Variants in RYR1 observed in about 807,000 individuals in gnomAD.
The protein encoded by RYR1 is ryanodine receptor 1.
In RYR1, 342 loss-of-function variants were observed where a neutral mutation model predicts 583.5. The ratio of observed to expected loss-of-function variants is 0.59; its 90% CI spans 0.54 to 0.64. RYR1 has a LOEUF of 0.64. Among genes scored for constraint, RYR1 ranks in the 30% least tolerant of loss-of-function variants. The probability of loss-of-function intolerance (pLI) is 0.00; values close to 1 mark genes in which losing one functional copy is unlikely to be tolerated. For synonymous variants in RYR1, 2,791 were observed against 2,822.5 expected, an observed-to-expected ratio of 0.99 and a Z score of 0.35; for missense variants, 6,032 against 6,917.2, an observed-to-expected ratio of 0.87 and a Z score of 4.54.
intron 72 of RYR1, 54 bp from the exon 73 acceptor site, chr19:38,527,593 C>T: frequency 6.2e-7 from 1 of 1,608,738 alleles, no homozygotes; most frequent in Non-Finnish European, 8.5e-7. Context: ...GGACATCCGG[C>T]GGACACTGTG....
At chr19:38,541,597 T>C (rs188627630) in intron 84 of RYR1, among the ~76,000 whole-genome samples, 555 of 152,174 alleles carry the variant, frequency 3.6e-3, no homozygotes, top group African/African-American at 0.012. Flanking sequence ...ATGCCTGTAA[T>C]CCCAGCTACT....
chr19:38,510,453 C>G, intron 58 of RYR1, 45 bp from the exon 59 acceptor site: 9 of 1,608,212 alleles, frequency 5.6e-6, no homozygotes, highest in Non-Finnish European at 7.7e-6. Flanking sequence ...ACCCTGGGTT[C>G]CCCAGCCTTG....
chr19:38,522,943 A>G lies in RYR1; in HGVS notation c.10260-85A>G. ...TCTGACTGGATGTCTCCTGGTCCCC[A>G]TCTCCTCCTCCAAGATCTCTCTCTG... On this transcript the variant is annotated intron_variant, in intron 67 of 105. Coordinates refer to ENST00000359596, the MANE Select transcript of RYR1 (RefSeq NM_000540.3). 5 of 1,082,806 alleles carry G rather than the reference A, an allele frequency of 4.6e-6. No homozygotes were observed. The South Asian group carries it at 5.4e-5, about 12-fold the overall frequency. 67.1% of individuals were successfully genotyped at this position (1,082,806 alleles called of 1,614,324 possible).
Position 38,506,517 on chromosome 19 carries a change from G to C in RYR1, c.8663G>C (p.Arg2888Pro). The C allele has an allele frequency of 6.2e-7, 1 of 1,614,070 alleles. No homozygotes were observed. The highest frequency in any genetic ancestry group is 1.6e-4 in the Middle Eastern group (1 of 6,062). Residue 2888 changes from arginine (R) to proline (P), a missense_variant, in exon 56 of 106, where the codon CGG becomes CCG. By Grantham distance (103) the Arg-to-Pro change is moderately radical. Coordinates refer to ENST00000359596, the MANE Select transcript of RYR1 (RefSeq NM_000540.3). The stretch of plus-strand genomic sequence containing the variant: ...GAAAATTACCACAACACGTGGGGAC[G>C]GAAGAAGAAGCAGGAGCTGGAAGCC... ...LAENYHNTWG[R>P]KKKQELEAKG...
intron 42 of RYR1, 76 bp downstream of exon 42, chr19:38,497,030 G>A (rs1044799096): frequency 4.9e-6 from 6 of 1,234,620 alleles, no homozygotes; most frequent in Admixed American, 3.6e-5. Context: ...GACACCTGCT[G>A]ATTCCAAACT....
At chr19:38,473,139 C>T (rs544919268) in intron 27 of RYR1, among the ~76,000 whole-genome samples, 3 of 152,002 alleles carry the variant, frequency 2.0e-5, no homozygotes, top group Admixed American at 1.3e-4. Context: ...AGTGTGTGTC[C>T]GGGGCTGCTA....
intron 89 of RYR1, among the ~76,000 whole-genome samples, chr19:38,552,530 C>A (rs549881715): frequency 1.4e-4 from 22 of 152,242 alleles, no homozygotes; most frequent in African/African-American, 5.1e-4. Flanking sequence ...GGATTACAGG[C>A]GTGAGCCACC....
chr19:38,452,126 CAA>C (rs66571762), intron 12 of RYR1, among the ~76,000 whole-genome samples: 32 of 68,868 alleles, frequency 4.6e-4, no homozygotes, highest in African/African-American at 1.3e-3. Flanking sequence ...CCGCCTCTAC[CAA>C]AAAAAAAAAA....
In RYR1 at chr19:38,483,605, C is replaced by G; in HGVS notation, c.4934+89C>G. The G allele has an allele frequency of 6.8e-6, 8 of 1,177,978 alleles. No homozygotes were observed. The highest frequency in any genetic ancestry group is 9.7e-6 in the Non-Finnish European group (8 of 826,672). The allele number at this position is 1,177,978 out of a possible 1,614,324, so 73.0% of individuals were successfully genotyped here. Reference sequence around the variant, plus strand: ...CACTCAGTGCCCCTCCTCAACACAACCCCGGGATTCCAGACTACACCCCAG... The same window carrying G: ...CACTCAGTGCCCCTCCTCAACACAAGCCCGGGATTCCAGACTACACCCCAG... On this transcript the variant is annotated intron_variant, in intron 33 of 105. Coordinates refer to ENST00000359596, the MANE Select transcript of RYR1 (RefSeq NM_000540.3). This position sits in a 1 kb window ranked among gnomAD's most constrained non-coding sequence, Gnocchi z 6.3.
At chr19:38,465,151 G>A (rs1015204585) in intron 23 of RYR1, among the ~76,000 whole-genome samples, 2 of 152,050 alleles carry the variant, frequency 1.3e-5, no homozygotes, top group Non-Finnish European at 2.9e-5. Context: ...AGTTTGGGGT[G>A]GATGAGGACT....
intron 3 of RYR1, among the ~76,000 whole-genome samples, chr19:38,442,701 T>C (rs1972752039): frequency 6.6e-6 from 1 of 152,082 alleles, no homozygotes; most frequent in Non-Finnish European, 1.5e-5. Context: ...GCCCACGCCC[T>C]GCACACAGGG....
intron 7 of RYR1, among the ~76,000 whole-genome samples, chr19:38,445,626 C>T (rs1253563835): frequency 6.6e-6 from 1 of 152,154 alleles, no homozygotes; most frequent in Non-Finnish European, 1.5e-5. Flanking sequence ...TACCCCAAAG[C>T]TCAGACTTCC....
At chr19:38,486,754 T>G (rs1339922965) in intron 34 of RYR1, among the ~76,000 whole-genome samples, 1 of 152,160 alleles carries the variant, frequency 6.6e-6, no homozygotes, top group Non-Finnish European at 1.5e-5. Context: ...TTCTTCCTAT[T>G]CATCTATCCA....
At chr19:38,563,034 A>C (rs1973224615) in intron 90 of RYR1, among the ~76,000 whole-genome samples, 2 of 152,028 alleles carry the variant, frequency 1.3e-5, no homozygotes, top group South Asian at 4.1e-4. Context: ...CCTGTTCACC[A>C]CGGCCCTTCC....
intron 58 of RYR1, 61 bp from the exon 59 acceptor site, chr19:38,510,437 C>A: frequency 6.4e-7 from 1 of 1,567,170 alleles, no homozygotes; most frequent in Non-Finnish European, 8.8e-7. Flanking sequence ...TCCTTCCCAT[C>A]AGAACACCCT....
At chr19:38,586,489 G>T in intron 104 of RYR1, 36 bp from the exon 105 acceptor site, 2 of 1,596,604 alleles carry the variant, frequency 1.3e-6, no homozygotes, top group Non-Finnish European at 8.6e-7. Context: ...GGTAAGGGTG[G>T]TTCTGACTTG....
chr19:38,440,454 G>T (rs879876940), intron 1 of RYR1, among the ~76,000 whole-genome samples: 4 of 152,138 alleles, frequency 2.6e-5, no homozygotes, highest in Non-Finnish European at 2.9e-5. Context: ...CAGGAGAATC[G>T]CTTGAACCCA....
In RYR1 at chr19:38,519,229, T is replaced by C. The variant is rs757271636; in HGVS notation, c.10034T>C (p.Ile3345Thr). 1.3e-5 allele frequency: 21 copies of C among 1,613,966 alleles called. No individual in the cohort carries two copies. Among genetic ancestry groups the C allele is most frequent in the East Asian group, 2.2e-5 (1 of 44,884 alleles). Residue 3345 changes from isoleucine to threonine, a missense_variant, in exon 67 of 106, where the codon ATT (isoleucine) becomes ACT (threonine). Transcript: ENST00000359596. ...ACCCCTGCAGTGTTCGCACAGCCCA[T>C]TGTGAGCCGTGCACGGCCGGAGCTC... ...MKRLAVFAQP[I>T]VSRARPELLQ...
chr19:38,433,880 T>C lies in RYR1; in HGVS notation c.45+6T>C, dbSNP rs1230846317. The C allele has an allele frequency of 4.3e-6, 7 of 1,612,580 alleles. No individual in the cohort carries two copies. In the East Asian group the frequency reaches 1.3e-4, roughly 31 times the overall value. ...AGGTCCAGTTCCTGCGGACGGTGCG[T>C]ATCTCTGGGTTAGGGGCCTGTGGGG... is the stretch of plus-strand genomic sequence containing the variant. On this transcript the variant is annotated splice_donor_region_variant and intron_variant, in intron 1 of 105. Coordinates refer to ENST00000359596, the MANE Select transcript of RYR1 (RefSeq NM_000540.3).
Sources: gnomAD v4.1 joint callset for allele counts (sites outside exome capture counted in the v4.1 genomes callset) on GRCh38, gnomAD v4.1.1 for gene constraint, Gnocchi (gnomAD v3.1) non-coding constraint, MANE v1.5 for transcripts, NCBI Gene and HGNC (gene_info 2026-07-23, HGNC 2026-07-21) for gene names.